The following MAF variants were observed in gnomAD, a reference collection of about 807,000 sequenced individuals.
The protein encoded by MAF is MAF bZIP transcription factor.
MAF carries 10 observed loss-of-function variants against 22.0 expected under a neutral mutation model. That is an observed-to-expected ratio of 0.45 (90% CI 0.28 to 0.77). The LOEUF (loss-of-function observed/expected upper bound fraction) is 0.77, where lower values mean the gene tolerates loss of function less well. Among genes scored for constraint, MAF ranks in the 30% least tolerant of loss-of-function variants. The probability of loss-of-function intolerance (pLI) is 0.12; values close to 1 mark genes in which losing one functional copy is unlikely to be tolerated. For missense variants in MAF, 544 were observed against 548.4 expected (o/e 0.99, Z 0.08); for synonymous variants, 337 against 255.8 (o/e 1.32, Z -3.03).
chr16:79,313,193 T>C, the MAF span, among the ~76,000 whole-genome samples: 1 of 152,246 alleles, frequency 6.6e-6, no homozygotes, highest in Non-Finnish European at 1.5e-5. Context: ...ACACAGGCAC[T>C]GGGCAAGGGC....
At chr16:79,386,476 G>C in the MAF span, among the ~76,000 whole-genome samples, 82 of 152,244 alleles carry the variant, frequency 5.4e-4, no homozygotes, top group Non-Finnish European at 8.4e-4. Flanking sequence ...GAGGTCACGT[G>C]AGTGATGGGG....
the MAF span, among the ~76,000 whole-genome samples, chr16:79,334,765 G>A: frequency 6.6e-6 from 1 of 152,062 alleles, no homozygotes; most frequent in East Asian, 1.9e-4. Flanking sequence ...GTAAAGTAAT[G>A]TGTCCCAGGC....
the MAF span, among the ~76,000 whole-genome samples, chr16:79,222,695 G>A: frequency 3.1e-3 from 478 of 152,094 alleles, 5 homozygotes; most frequent in Admixed American, 0.023. Context: ...TACCAAGCAA[G>A]TGGGAAGAAA....
chr16:79,513,178 G>A, the MAF span, among the ~76,000 whole-genome samples: 5,955 of 152,324 alleles, frequency 0.039, 158 homozygotes, highest in Admixed American at 0.053. Flanking sequence ...CCTATAGCCC[G>A]GGCGACAGCC....
At chr16:79,492,344 G>T in the MAF span, among the ~76,000 whole-genome samples, 1 of 152,062 alleles carries the variant, frequency 6.6e-6, no homozygotes, top group Non-Finnish European at 1.5e-5. Flanking sequence ...AATACAAAAA[G>T]TCAAAACAAA....
At chr16:79,373,291 GC>G in the MAF span, among the ~76,000 whole-genome samples, 2 of 146,250 alleles carry the variant, frequency 1.4e-5, no homozygotes, top group Admixed American at 1.4e-4. Flanking sequence ...GTTCAAGAGG[GC>G]TCTGTCCTGT....
the MAF span, chr16:79,264,539 G>A: frequency 1.3e-5 from 2 of 152,208 alleles, no homozygotes; most frequent in East Asian, 3.9e-4. Context: ...GTACTTGGAT[G>A]GGAGACTATG....
At chr16:79,497,414 G>C in the MAF span, among the ~76,000 whole-genome samples, 1 of 152,168 alleles carries the variant, frequency 6.6e-6, no homozygotes, top group East Asian at 1.9e-4. Flanking sequence ...CCTGTTAGCT[G>C]TGAGTGCCTC....
chr16:79,503,633 C>A, the MAF span, among the ~76,000 whole-genome samples: 4 of 152,170 alleles, frequency 2.6e-5, no homozygotes, highest in African/African-American at 9.7e-5. Context: ...TCCTGTTCAT[C>A]TTTGCCTACA....
the MAF span, among the ~76,000 whole-genome samples, chr16:79,384,081 T>C: frequency 6.6e-6 from 1 of 152,068 alleles, no homozygotes; most frequent in Non-Finnish European, 1.5e-5. Flanking sequence ...TCCTGAGTTG[T>C]ACAATCGGGA....
chr16:79,274,052 T>A, the MAF span, among the ~76,000 whole-genome samples: 1 of 148,784 alleles, frequency 6.7e-6, no homozygotes, highest in Non-Finnish European at 1.5e-5. Flanking sequence ...CCTCCCAGGT[T>A]CAAGCAATTC....
At chr16:79,205,799 G>A in the MAF span, 1 of 152,178 alleles carries the variant, frequency 6.6e-6, no homozygotes, top group Admixed American at 6.5e-5. Flanking sequence ...AGGAATCATT[G>A]GAGGAGAGGG....
intron 1 of MAF, chr16:79,598,072 C>G: frequency 2.9e-6 from 3 of 1,041,916 alleles, no homozygotes; most frequent in Non-Finnish European, 3.5e-6. Context: ...CGATGGAACT[C>G]GGCACGCTGC....
chr16:79,416,414 G>A, the MAF span, among the ~76,000 whole-genome samples: 8 of 149,852 alleles, frequency 5.3e-5, no homozygotes, highest in South Asian at 2.1e-4. Context: ...CAAACTCTTC[G>A]AAATATAGGT....
At chr16:79,230,129 T>C in the MAF span, among the ~76,000 whole-genome samples, 14 of 152,148 alleles carry the variant, frequency 9.2e-5, no homozygotes, top group South Asian at 2.1e-4. Context: ...AGTGACTCTG[T>C]AGGCAAGCCC....
At chr16:79,288,382 G>A in the MAF span, among the ~76,000 whole-genome samples, 7 of 152,096 alleles carry the variant, frequency 4.6e-5, no homozygotes, top group African/African-American at 1.4e-4. Flanking sequence ...TAAGAATCCC[G>A]AGGCTGCCAT....
the MAF span, among the ~76,000 whole-genome samples, chr16:79,532,883 GCA>G: frequency 6.6e-6 from 1 of 152,164 alleles, no homozygotes. Context: ...TGCCAGCTTT[GCA>G]CAGTTAAAAT....
chr16:79,249,881 A>C, the MAF span, among the ~76,000 whole-genome samples: 1 of 152,044 alleles, frequency 6.6e-6, no homozygotes, highest in Non-Finnish European at 1.5e-5. Context: ...CATAATGGTC[A>C]TAATGCTCAC....
the MAF span, among the ~76,000 whole-genome samples, chr16:79,487,910 C>T: frequency 6.6e-6 from 1 of 152,200 alleles, no homozygotes; most frequent in Non-Finnish European, 1.5e-5. Flanking sequence ...AAATGAGAAT[C>T]TTTCCACGCA....
Sources: gnomAD v4.1 joint callset for allele counts (sites outside exome capture counted in the v4.1 genomes callset) on GRCh38, gnomAD v4.1.1 for gene constraint, MANE v1.5 for transcripts, NCBI Gene and HGNC (gene_info 2026-07-23, HGNC 2026-07-21) for gene names.